Variants in MYO18A observed in about 807,000 individuals in gnomAD.
The protein encoded by MYO18A is unconventional myosin-XVIIIa.
MYO18A carries 78 observed loss-of-function variants against 235.8 expected under a neutral mutation model. That is an observed-to-expected ratio of 0.33 (90% CI 0.28 to 0.40). The LOEUF (loss-of-function observed/expected upper bound fraction) is 0.40. Among genes scored for constraint, MYO18A ranks in the 10% least tolerant of loss-of-function variants. The pLI is 1.00. For synonymous variants in MYO18A, 977 were observed against 1,077.8 expected (o/e 0.91, Z 1.83); for missense variants, 2,215 against 2,699.3 (o/e 0.82, Z 3.98).
rs1439821359 is a variant in MYO18A, at chr17:29,140,457, C to G, written c.1000-18204G>C. ...GGCCCCGCCCAGTTCCCGCCCTCTC[C>G]CCGGCCCCTCCCGTCCCGAGCTGCC... On this transcript the variant is annotated intron_variant, in intron 2 of 41. Coordinates refer to ENST00000527372, the MANE Select transcript of MYO18A (RefSeq NM_078471.4). The surrounding 1 kb of genome is among the most constrained non-coding windows in gnomAD (Gnocchi z 4.2). The G allele has an allele frequency of 1.6e-6, 2 of 1,218,658 alleles. No individual in the cohort carries two copies. Among genetic ancestry groups the G allele is most frequent in the South Asian group, 2.8e-5 (2 of 70,398 alleles). The allele number at this position is 1,218,658 out of a possible 1,614,324, so 75.5% of individuals were successfully genotyped here.
At chr17:29,084,899 C>T (rs1302789472) in intron 40 of MYO18A, among the ~76,000 whole-genome samples, 1 of 152,198 alleles carries the variant, frequency 6.6e-6, no homozygotes, top group African/African-American at 2.4e-5. Flanking sequence ...TGTCCAGCTC[C>T]CACCCAGAAA....
intron 35 of MYO18A, 71 bp downstream of exon 35, chr17:29,090,738 CG>C: frequency 5.9e-6 from 9 of 1,535,100 alleles, no homozygotes; most frequent in Non-Finnish European, 8.1e-6. Flanking sequence ...AGCGGTTGTG[CG>C]GGGGACCCAT....
intron 2 of MYO18A, among the ~76,000 whole-genome samples, chr17:29,130,507 CACACACACACACACACACACA>C (rs1485602633): frequency 6.7e-6 from 1 of 150,228 alleles, no homozygotes; most frequent in Non-Finnish European, 1.5e-5. Flanking sequence ...CACACACACA[CACACACACACACACACACACA>C]ACCCTTTCAA....
intron 2 of MYO18A, among the ~76,000 whole-genome samples, chr17:29,130,348 A>C (rs1399099669): frequency 1.3e-5 from 2 of 150,596 alleles, no homozygotes; most frequent in African/African-American, 4.9e-5. Flanking sequence ...GACAATGATG[A>C]TGATAGTAAT....
intron 37 of MYO18A, 78 bp from the exon 38 acceptor site, chr17:29,087,199 G>C: frequency 5.5e-6 from 8 of 1,452,012 alleles, no homozygotes; most frequent in Non-Finnish European, 5.6e-6. Context: ...GCAGAGCTCT[G>C]GGTGAGGAGG....
intron 2 of MYO18A, among the ~76,000 whole-genome samples, chr17:29,122,757 G>A (rs958834243): frequency 1.3e-5 from 2 of 152,236 alleles, no homozygotes; most frequent in Non-Finnish European, 2.9e-5. Context: ...AGATCTCAGC[G>A]GGGAGTCGCC....
intron 23 of MYO18A, 75 bp downstream of exon 23, chr17:29,098,751 G>T: frequency 1.3e-6 from 2 of 1,563,382 alleles, no homozygotes; most frequent in East Asian, 4.6e-5. Context: ...AAACGAAGAA[G>T]CGCCTGGAAG....
In MYO18A at chr17:29,175,659, C is replaced by T. The variant is rs566036440; in HGVS notation, c.-82+4654G>A. 2.1e-3 allele frequency among the ~76,000 whole-genome samples: 319 copies of T among 151,724 alleles called. 1 individual carries two copies. Among genetic ancestry groups the T allele is most frequent in the African/African-American group, 7.0e-3 (291 of 41,426 alleles). ...GATTACAGGTGTGAACCACTGTGTC[C>T]GGCCTACTACAGAAATTTTTTAAAT... On this transcript the variant is annotated intron_variant, in intron 1 of 41. Transcript: ENST00000527372.
At chr17:29,135,476 A>G (rs953424823) in intron 2 of MYO18A, among the ~76,000 whole-genome samples, 2 of 152,240 alleles carry the variant, frequency 1.3e-5, no homozygotes, top group Non-Finnish European at 2.9e-5. Context: ...TTTTCAATTA[A>G]TTATTTCTAT....
rs1170299440 is a variant in MYO18A, at chr17:29,115,716, G to A, written c.2175C>T (p.Arg725=). 1.2e-6 allele frequency: 2 copies of A among 1,605,634 alleles called. No individual in the cohort carries two copies. The highest frequency in any genetic ancestry group is 2.7e-5 in the African/African-American group (2 of 74,944). The change falls in exon 12 of 42, where the codon CGC becomes CGT. Residue 725 remains arginine (R), a synonymous_variant. Transcript: ENST00000527372. ...CGGGGCCCTGGCGGAAGGAGGTGGA[G>A]CGCTGCAGGGTGCCACCCTTGTGCT... The part of the protein sequence containing the change: ...KHQHKGGTLQ[R]STSFRQGPEE...
Position 29,094,828 on chromosome 17 carries a change from C to T in MYO18A, c.4532G>A (p.Gly1511Glu), listed in dbSNP as rs1421823667. The change falls in exon 30 of 42, where the codon GGG (glycine) becomes GAG (glutamate). Residue 1511 changes from glycine to glutamate, a missense_variant. Coordinates refer to ENST00000527372, the MANE Select transcript of MYO18A (RefSeq NM_078471.4). ...TAGAGACACAACCTTCTGGGTGAAC[C>T]CTGCAATGTCCATGTCTTTTTCCTG... ...QLEEKDMDIA[G>E]FTQKVVSLEA... 6.2e-7 allele frequency: 1 copy of T among 1,614,060 alleles called. No individual in the cohort carries two copies. The highest frequency in any genetic ancestry group is 1.3e-5 in the African/African-American group (1 of 75,062).
chr17:29,135,193 C>T (rs1016120959), intron 2 of MYO18A, among the ~76,000 whole-genome samples: 4 of 151,956 alleles, frequency 2.6e-5, no homozygotes, highest in South Asian at 2.1e-4. Context: ...CTCCGCCTCC[C>T]GGGTTCACGC....
At chr17:29,112,680 C>A (rs1240693300) in intron 15 of MYO18A, among the ~76,000 whole-genome samples, 1 of 152,256 alleles carries the variant, frequency 6.6e-6, no homozygotes, top group Non-Finnish European at 1.5e-5. Flanking sequence ...CTGCATCTTT[C>A]TTGGGCAGGA....
At chr17:29,150,721 G>A (rs1048925840) in intron 2 of MYO18A, among the ~76,000 whole-genome samples, 9 of 152,216 alleles carry the variant, frequency 5.9e-5, no homozygotes, top group African/African-American at 1.4e-4. Context: ...CAACATTTTG[G>A]GAGGTCTAGG....
chr17:29,103,173 G>A (rs907190321), intron 21 of MYO18A, among the ~76,000 whole-genome samples: 1 of 152,200 alleles, frequency 6.6e-6, no homozygotes, highest in Non-Finnish European at 1.5e-5. Context: ...CTTGCTCTCT[G>A]GAACCCAGCA....
chr17:29,154,725 C>G (rs2068030557), intron 2 of MYO18A, among the ~76,000 whole-genome samples: 1 of 152,206 alleles, frequency 6.6e-6, no homozygotes, highest in Non-Finnish European at 1.5e-5. Flanking sequence ...TGGGTTCCCC[C>G]CATGCCTGAA....
chr17:29,119,823 C>T (rs1300175188), intron 7 of MYO18A, among the ~76,000 whole-genome samples: 1 of 151,978 alleles, frequency 6.6e-6, no homozygotes, highest in Non-Finnish European at 1.5e-5. Context: ...CTCAGCCTCC[C>T]GAAGTGCTGG....
chr17:29,124,794 T>G, intron 2 of MYO18A: 1 of 960,618 alleles, frequency 1.0e-6, no homozygotes, highest in South Asian at 1.7e-5. Context: ...GCCGGCACTC[T>G]CTAGTTGTCC....
At position 29,118,373 on chromosome 17, in the gene MYO18A, T is replaced by TA; in HGVS notation, c.1893+3_1893+4insT. The TA allele has an allele frequency of 6.2e-7, 1 of 1,603,066 alleles. No individual in the cohort carries two copies. The highest frequency in any genetic ancestry group is 8.5e-7 in the Non-Finnish European group (1 of 1,171,698). On this transcript the variant is annotated splice_donor_region_variant and intron_variant, in intron 9 of 41. Coordinates refer to ENST00000527372, the MANE Select transcript of MYO18A (RefSeq NM_078471.4). This position sits in a 1 kb window ranked among gnomAD's most constrained non-coding sequence, Gnocchi z 4.2. ...TGGCAACCCAGACCCCACAGACCCC[T>TA]CACCTTGGCCAGTGGCACAATCCCA... is the stretch of plus-strand genomic sequence containing the variant.
Sources: allele counts gnomAD v4.1 joint callset (sites outside exome capture counted in the v4.1 genomes callset), GRCh38; gene constraint gnomAD v4.1.1; non-coding constraint Gnocchi (gnomAD v3.1); transcripts MANE v1.5; gene names NCBI Gene and HGNC (gene_info 2026-07-23, HGNC 2026-07-21).